The following BTN3A3 variants were observed in gnomAD, a reference collection of about 807,000 sequenced individuals.
BTN3A3 encodes the protein butyrophilin subfamily 3 member A3.
In BTN3A3, 39 loss-of-function variants were observed where a neutral mutation model predicts 43.2. The observed-to-expected ratio is 0.90, with a 90% confidence interval of 0.70 to 1.18. The LOEUF (loss-of-function observed/expected upper bound fraction) is 1.18, where lower values mean the gene tolerates loss of function less well. Ranked by LOEUF, BTN3A3 falls within the 50% of genes most tolerant of loss-of-function variation. The pLI is 0.00. For missense variants in BTN3A3, 631 were observed against 722.8 expected (o/e 0.87, Z 1.46); for synonymous variants, 255 against 272.7 (o/e 0.93, Z 0.64).
chr6:26,449,756 C>G (rs1300088388), intron 9 of BTN3A3, 68 bp downstream of exon 9: 11 of 1,573,130 alleles, frequency 7.0e-6, no homozygotes, highest in Non-Finnish European at 9.6e-6. Context: ...TTTTTCTCTG[C>G]TGTGACCCAT....
At position 26,452,186 on chromosome 6, in the gene BTN3A3, C is replaced by A. The variant is rs780210744; in HGVS notation, c.1530C>A (p.Thr510=). Residue 510 remains threonine, a synonymous_variant, in exon 11 of 11, where the codon ACC becomes ACA. Transcript: ENST00000244519. ...TGACCTTGGAGCCCACTGCCCTGAC[C>A]ATTTGCCCAATACCAAAAGAAGTAG... ...RILTLEPTAL[T]ICPIPKEVES... 4.3e-6 allele frequency: 7 copies of A among 1,614,142 alleles called. No individual in the cohort carries two copies. The South Asian group carries it at 6.6e-5, about 15-fold the overall frequency.
chr6:26,441,356 C>A (rs1762629974), intron 1 of BTN3A3, among the ~76,000 whole-genome samples: 1 of 152,156 alleles, frequency 6.6e-6, no homozygotes, highest in Non-Finnish European at 1.5e-5. Context: ...TCAATGGACA[C>A]AATCTATTTC....
Position 26,444,113 on chromosome 6 carries a change from A to G in BTN3A3, c.242A>G (p.Asp81Gly). The change falls in exon 4 of 11, where the codon GAT (aspartate) becomes GGT (glycine). Residue 81 changes from aspartate to glycine, a missense_variant. This residue lies in a region of BTN3A3 where 80 missense variants were observed against 138.7 expected (regional missense o/e 0.58). Transcript: ENST00000244519. ...AGGCAGGTGGTGAACGTGTATGCAG[A>G]TGGAAAGGAAGTGGAAGACAGGCAG... ...SLRQVVNVYA[D>G]GKEVEDRQSA... is the part of the protein sequence containing the mutation. 2 of 1,613,862 alleles carry G rather than the reference A, an allele frequency of 1.2e-6. No homozygotes were observed. The highest frequency in any genetic ancestry group is 1.3e-5 in the African/African-American group (1 of 75,040).
rs769968012 is a variant in BTN3A3 at position 26,443,540 on chromosome 6, C to T, written c.-5-30C>T. ...CTTCTTCCAGGCCATAGTGTCTGTC[C>T]CACACCTTCTGGTATCTCTTGATAT... On this transcript the variant is annotated intron_variant, in intron 2 of 10. Coordinates refer to ENST00000244519, the MANE Select transcript of BTN3A3 (RefSeq NM_006994.5). 2.5e-6 allele frequency: 4 copies of T among 1,612,582 alleles called. No individual in the cohort carries two copies. In the African/African-American group the frequency reaches 5.3e-5, roughly 22 times the overall value.
intron 5 of BTN3A3, among the ~76,000 whole-genome samples, chr6:26,447,590 T>G (rs1358828934): frequency 6.6e-6 from 1 of 152,218 alleles, no homozygotes; most frequent in Non-Finnish European, 1.5e-5. Context: ...CTCGACCTCC[T>G]GACCTCAAGT....
chr6:26,444,676 G>A, intron 4 of BTN3A3: 1 of 385,348 alleles, frequency 2.6e-6, no homozygotes, highest in Non-Finnish European at 4.8e-6. Flanking sequence ...GTGGGTCCTG[G>A]GAGGTGGAAT....
chr6:26,440,774 G>A (rs923338052), intron 1 of BTN3A3, 126 bp downstream of exon 1: 1 of 17,666 alleles, frequency 5.7e-5, no homozygotes, highest in Non-Finnish European at 1.0e-4. Flanking sequence ...CAGTGCCTCT[G>A]TGTGTGTGTG....
rs111299790 is a variant in BTN3A3, at chr6:26,449,639, C to G, written c.965-23C>G. ...GAGCAAAGGCAGTGTTCAGGTGACA[C>G]CTCTATCTTTCTTTCATTGTAGGTG... is the stretch of plus-strand genomic sequence containing the variant. On this transcript the variant is annotated intron_variant, in intron 8 of 10. Transcript: ENST00000244519. 1.1e-3 allele frequency: 1,733 copies of G among 1,614,030 alleles called. 16 individuals are homozygous for G. The African/African-American group carries it at 0.017, about 16-fold the overall frequency.
At position 26,452,611 on chromosome 6, in the gene BTN3A3, A is replaced by T. The variant is rs1762961007; in HGVS notation, c.*200A>T. On this transcript the variant is annotated 3_prime_UTR_variant, in exon 11 of 11. Coordinates refer to ENST00000244519, the MANE Select transcript of BTN3A3 (RefSeq NM_006994.5). ...TTTAAAATGTTCTTAGTGCTGTGTT[A>T]TAAGCTTTGGTGGATGTCACTCCTT... The T allele has an allele frequency of 1.7e-6, 1 of 571,978 alleles. No individual in the cohort carries two copies. Among genetic ancestry groups the T allele is most frequent in the Admixed American group, 3.4e-5 (1 of 29,120 alleles). The allele number at this position is 571,978 out of a possible 1,614,324, so 35.4% of individuals were successfully genotyped here.
At chr6:26,443,538 T>A (rs1471570541) in intron 2 of BTN3A3, 32 bp from the exon 3 acceptor site, 4 of 1,612,632 alleles carry the variant, frequency 2.5e-6, no homozygotes, top group South Asian at 1.1e-5. Flanking sequence ...ATAGTGTCTG[T>A]CCCACACCTT....
At position 26,448,660 on chromosome 6, in the gene BTN3A3, A is replaced by T; in HGVS notation, c.937+23A>T. 1.2e-6 allele frequency: 2 copies of T among 1,613,782 alleles called. 1 individual carries two copies. The highest frequency in any genetic ancestry group is 2.2e-5 in the South Asian group (2 of 91,068). Reference sequence around the variant, plus strand: ...TCAGTAAGTTCCCATTCCCCAGGAGACCCAGGCATGTCTTCTTATCCCCAC... The same window carrying T: ...TCAGTAAGTTCCCATTCCCCAGGAGTCCCAGGCATGTCTTCTTATCCCCAC... On this transcript the variant is annotated intron_variant, in intron 7 of 10. Coordinates refer to ENST00000244519, the MANE Select transcript of BTN3A3 (RefSeq NM_006994.5).
intron 1 of BTN3A3, among the ~76,000 whole-genome samples, chr6:26,442,034 T>C (rs978858607): frequency 2.0e-5 from 3 of 152,194 alleles, no homozygotes; most frequent in African/African-American, 7.2e-5. Flanking sequence ...AAATGCAATA[T>C]TTAGTCTGGG....
chr6:26,444,445 C>T (rs1762720642), intron 4 of BTN3A3, 141 bp downstream of exon 4: 1 of 1,336,438 alleles, frequency 7.5e-7, no homozygotes, highest in Admixed American at 2.1e-5. Context: ...AGCTTCTCTG[C>T]AACCCTTAAG....
At chr6:26,443,918 C>G (rs1762706208) in intron 3 of BTN3A3, 39 bp from the exon 4 acceptor site, 3 of 1,613,734 alleles carry the variant, frequency 1.9e-6, no homozygotes, top group Admixed American at 3.3e-5. Context: ...GACCCCAACT[C>G]CAAAACCCTC....
intron 1 of BTN3A3, among the ~76,000 whole-genome samples, chr6:26,441,006 A>G (rs974719984): frequency 2.0e-5 from 3 of 152,216 alleles, no homozygotes; most frequent in African/African-American, 7.2e-5. Context: ...AGTCGCTAAA[A>G]TCTGTTTTGG....
chr6:26,452,388 G>C lies in BTN3A3; in HGVS notation c.1732G>C (p.Ala578Pro). 1 of 1,603,976 alleles carries C rather than the reference G, an allele frequency of 6.2e-7. No individual in the cohort carries two copies. The highest frequency in any genetic ancestry group is 8.5e-7 in the Non-Finnish European group (1 of 1,179,366). ...AACCAATCAGAACCATAAGCTACAG[G>C]CACGCACTGAAGCACTTTACTGATA... ...ATTNQNHKLQ[A>P]RTEALY Residue 578 changes from alanine to proline, a missense_variant, in exon 11 of 11, where the codon GCA becomes CCA. Transcript: ENST00000244519.
chr6:26,444,479 A>G (rs1762721749), intron 4 of BTN3A3, 175 bp downstream of exon 4: 1 of 1,052,556 alleles, frequency 9.5e-7, no homozygotes, highest in African/African-American at 1.6e-5. Flanking sequence ...TTCTTTAGAA[A>G]GAATTCCTGC....
intron 10 of BTN3A3, among the ~76,000 whole-genome samples, chr6:26,451,404 G>C (rs747903196): frequency 6.6e-6 from 1 of 152,180 alleles, no homozygotes; most frequent in Non-Finnish European, 1.5e-5. Context: ...AGGGAAACAA[G>C]AAAAATGTAG....
intron 1 of BTN3A3, among the ~76,000 whole-genome samples, chr6:26,441,557 T>G (rs1394828312): frequency 6.7e-6 from 1 of 149,076 alleles, no homozygotes; most frequent in Non-Finnish European, 1.5e-5. Context: ...AGCATACAAC[T>G]TTTTTTTTTA....
Sources: gnomAD v4.1 joint callset for allele counts (sites outside exome capture counted in the v4.1 genomes callset) on GRCh38, gnomAD v4.1.1 for gene constraint, gnomAD v4.1.1 regional missense constraint, MANE v1.5 for transcripts, NCBI Gene and HGNC (gene_info 2026-07-23, HGNC 2026-07-21) for gene names.